ELMO1: variants seen among roughly 807,000 people sequenced by gnomAD.
ELMO1 encodes the protein engulfment and cell motility protein 1.
Under a neutral mutation model 98.9 loss-of-function variants are expected in ELMO1, and 26 were observed. The observed-to-expected ratio is 0.26, with a 90% CI of 0.19 to 0.36. The LOEUF (loss-of-function observed/expected upper bound fraction) is 0.36, where lower values mean the gene tolerates loss of function less well. ELMO1 is among the 10% of genes least tolerant of loss of function. The pLI is 1.00. For missense variants in ELMO1, 627 were observed against 935.2 expected (o/e 0.67, Z 4.30); for synonymous variants, 346 against 346.0 (o/e 1.00, Z 0.00).
chr7:37,198,528 T>C (rs1275825966), intron 13 of ELMO1, among the ~76,000 whole-genome samples: 5 of 152,208 alleles, frequency 3.3e-5, no homozygotes, highest in African/African-American at 1.2e-4. Flanking sequence ...TTAGGTAAAT[T>C]GTTCAAGATC....
chr7:37,269,305 T>C (rs1189479268), intron 5 of ELMO1: 1 of 152,194 alleles, frequency 6.6e-6, no homozygotes, highest in East Asian at 1.9e-4. Context: ...TTCCCAAATA[T>C]TGTAATCCAG....
intron 15 of ELMO1, among the ~76,000 whole-genome samples, chr7:37,029,755 C>T (rs537379049): frequency 6.6e-6 from 1 of 152,206 alleles, no homozygotes; most frequent in African/African-American, 2.4e-5. Context: ...GGTATTCCTA[C>T]GAATAAAACA....
At chr7:37,028,856 T>A (rs1003354373) in intron 15 of ELMO1, among the ~76,000 whole-genome samples, 1 of 152,196 alleles carries the variant, frequency 6.6e-6, no homozygotes, top group Non-Finnish European at 1.5e-5. Flanking sequence ...AAGGCTAATA[T>A]CCTGAAAGAT....
intron 16 of ELMO1, among the ~76,000 whole-genome samples, chr7:36,968,011 A>G (rs538959331): frequency 1.4e-4 from 22 of 152,332 alleles, no homozygotes; most frequent in African/African-American, 4.8e-4. Context: ...TTACCTTCCA[A>G]TTGAGTAATA....
In ELMO1 at chr7:37,018,350, T is replaced by C. The variant is rs1584521887; in HGVS notation, c.1301-4915A>G. 2.0e-5 allele frequency among the ~76,000 whole-genome samples: 3 copies of C among 152,142 alleles called. No individual in the cohort carries two copies. In the South Asian group the frequency reaches 6.2e-4, roughly 32 times the overall value. On this transcript the variant is annotated intron_variant, in intron 15 of 21. Coordinates refer to ENST00000310758, the MANE Select transcript of ELMO1 (RefSeq NM_014800.11). Reference sequence around the variant, plus strand: ...CATGCTGGTCAGGCTGGTCTTGAACTCCTGACCTCAGGTGATCTGCCCGCC... The same window carrying C: ...CATGCTGGTCAGGCTGGTCTTGAACCCCTGACCTCAGGTGATCTGCCCGCC...
intron 8 of ELMO1, among the ~76,000 whole-genome samples, chr7:37,232,377 C>T (rs1249166826): frequency 6.6e-6 from 1 of 152,098 alleles, no homozygotes; most frequent in Non-Finnish European, 1.5e-5. Flanking sequence ...AAAAATAAAT[C>T]AATAAATGAT....
intron 16 of ELMO1, among the ~76,000 whole-genome samples, chr7:36,967,460 TC>T (rs1789543331): frequency 6.6e-6 from 1 of 152,222 alleles, no homozygotes; most frequent in Admixed American, 6.5e-5. Flanking sequence ...TCAGTGCTCG[TC>T]CTTGGCTTTT....
At chr7:37,056,071 C>G (rs1645143642) in intron 15 of ELMO1, among the ~76,000 whole-genome samples, 1 of 152,170 alleles carries the variant, frequency 6.6e-6, no homozygotes, top group Non-Finnish European at 1.5e-5. Flanking sequence ...TTACAATTTA[C>G]AGTGGTCCAG....
chr7:36,862,421 G>T (rs183284196), intron 20 of ELMO1, among the ~76,000 whole-genome samples: 1 of 152,208 alleles, frequency 6.6e-6, no homozygotes, highest in South Asian at 2.1e-4. Flanking sequence ...CGGAGTGCAC[G>T]CAATGAGCCA....
intron 3 of ELMO1, among the ~76,000 whole-genome samples, chr7:37,315,677 C>T (rs1293407988): frequency 1.3e-5 from 2 of 152,168 alleles, no homozygotes; most frequent in Non-Finnish European, 2.9e-5. Context: ...ACACAACTTC[C>T]TAAAATAAAT....
intron 1 of ELMO1, among the ~76,000 whole-genome samples, chr7:37,436,342 T>C (rs899003739): frequency 6.6e-6 from 1 of 152,154 alleles, no homozygotes; most frequent in Non-Finnish European, 1.5e-5. Context: ...CTAGGTAAAA[T>C]AAAGTGACCA....
intron 1 of ELMO1, among the ~76,000 whole-genome samples, chr7:37,421,056 T>C (rs1306822165): frequency 1.3e-5 from 2 of 152,208 alleles, no homozygotes; most frequent in Non-Finnish European, 2.9e-5. Context: ...CATCTTCCTC[T>C]TAAAAGCACA....
chr7:36,894,313 T>C (rs1352462894), intron 17 of ELMO1, among the ~76,000 whole-genome samples: 1 of 152,170 alleles, frequency 6.6e-6, no homozygotes, highest in Non-Finnish European at 1.5e-5. Context: ...ACTGTAGGAA[T>C]GTAGGTTCAC....
chr7:37,230,573 G>C (rs910628712), intron 8 of ELMO1, among the ~76,000 whole-genome samples: 4 of 152,180 alleles, frequency 2.6e-5, no homozygotes, highest in African/African-American at 9.7e-5. Flanking sequence ...TTCTGTTCTG[G>C]AAAGGATTGC....
At position 37,083,929 on chromosome 7, in the gene ELMO1, C is replaced by G. The variant is rs149657656; in HGVS notation, c.1300+12690G>C. ...TCCTGCCTAGAACAGAGATTGAACT[C>G]TGTGCTGGTTAAAGTCGAACCCATT... On this transcript the variant is annotated intron_variant, in intron 15 of 21. Transcript: ENST00000310758. Among the ~76,000 whole-genome samples the G allele has an allele frequency of 3.4e-3, 511 of 152,332 alleles. 3 individuals carry two copies. The highest frequency in any genetic ancestry group is 4.6e-3 in the Non-Finnish European group (312 of 68,026).
At chr7:37,092,219 C>T (rs1402267149) in intron 15 of ELMO1, among the ~76,000 whole-genome samples, 3 of 151,892 alleles carry the variant, frequency 2.0e-5, no homozygotes, top group Non-Finnish European at 4.4e-5. Flanking sequence ...AAACTTTTAA[C>T]CAATATATAG....
chr7:37,043,400 T>C (rs1473581608), intron 15 of ELMO1, among the ~76,000 whole-genome samples: 2 of 152,130 alleles, frequency 1.3e-5, no homozygotes, highest in African/African-American at 4.8e-5. Flanking sequence ...GAATTAGTGG[T>C]GCCCCAGAAA....
intron 10 of ELMO1, among the ~76,000 whole-genome samples, chr7:37,222,304 C>T (rs1793640852): frequency 6.6e-6 from 1 of 152,230 alleles, no homozygotes; most frequent in Non-Finnish European, 1.5e-5. Context: ...GCTTCCACCA[C>T]AGCAGCGTTT....
intron 15 of ELMO1, among the ~76,000 whole-genome samples, chr7:37,044,138 G>T (rs961603535): frequency 6.6e-6 from 1 of 152,100 alleles, no homozygotes; most frequent in Non-Finnish European, 1.5e-5. Flanking sequence ...CAGCAAAAAG[G>T]CTATGCTCCG....
Sources: allele counts gnomAD v4.1 joint callset (sites outside exome capture counted in the v4.1 genomes callset), GRCh38; gene constraint gnomAD v4.1.1; transcripts MANE v1.5; gene names NCBI Gene and HGNC (gene_info 2026-07-23, HGNC 2026-07-21).